The following UGGT2 variants were observed in gnomAD, a reference collection of about 807,000 sequenced individuals.
The protein encoded by UGGT2 is UDP-glucose glycoprotein glucosyltransferase 2.
In UGGT2, 180 loss-of-function variants were observed where a neutral mutation model predicts 192.1. The observed-to-expected ratio is 0.94, with a 90% CI of 0.83 to 1.06. The LOEUF (loss-of-function observed/expected upper bound fraction) is 1.06. Among genes scored for constraint, UGGT2 ranks in the 50% least tolerant of loss-of-function variants. The pLI, the probability that UGGT2 is intolerant of heterozygous loss-of-function variation, is 0.00. For missense variants in UGGT2, 1,849 were observed against 1,795.7 expected (o/e 1.03, Z -0.54); for synonymous variants, 580 against 591.0 (o/e 0.98, Z 0.27).
At position 95,972,734 on chromosome 13, in the gene UGGT2, C is replaced by A; in HGVS notation, c.1093-63G>T. The A allele has an allele frequency of 2.5e-6, 3 of 1,223,504 alleles. No individual in the cohort carries two copies. In the South Asian group the frequency reaches 3.9e-5, roughly 16 times the overall value. 75.8% of individuals were successfully genotyped at this position (1,223,504 alleles called of 1,614,324 possible). ...AACAATAGTGACCTATATTAGGGGT[C>A]ACCATATTATTTCTATAAAGAGTCA... is the stretch of plus-strand genomic sequence containing the variant. On this transcript the variant is annotated intron_variant, in intron 10 of 38. Transcript: ENST00000376747.
At chr13:95,877,635 C>T (rs761560107) in intron 28 of UGGT2, 63 bp downstream of exon 28, 5 of 1,534,326 alleles carry the variant, frequency 3.3e-6, no homozygotes, top group Non-Finnish European at 4.4e-6. Flanking sequence ...TCATTTTACT[C>T]TTAGGAAAAC....
intron 23 of UGGT2, 45 bp from the exon 24 acceptor site, chr13:95,894,702 T>C: frequency 6.8e-7 from 1 of 1,480,022 alleles, no homozygotes. Context: ...TGGAAAGAGT[T>C]CCATATTTCA....
chr13:96,003,087 G>T (rs1009962064), intron 5 of UGGT2, among the ~76,000 whole-genome samples: 1 of 152,114 alleles, frequency 6.6e-6, no homozygotes, highest in African/African-American at 2.4e-5. Context: ...AGCTTTGGGG[G>T]ATGAGCTTGC....
intron 5 of UGGT2, 106 bp from the exon 6 acceptor site, chr13:95,999,413 T>C (rs2051727362): frequency 7.0e-6 from 7 of 999,504 alleles, no homozygotes; most frequent in Non-Finnish European, 1.1e-5. Context: ...ATTACTAATA[T>C]TGAAGGTTTT....
chr13:95,928,751 T>C (rs1201776743), intron 17 of UGGT2, among the ~76,000 whole-genome samples: 1 of 151,242 alleles, frequency 6.6e-6, no homozygotes, highest in Admixed American at 6.6e-5. Context: ...TCCCAGATGA[T>C]GTGCGGCCAG....
intron 34 of UGGT2, among the ~76,000 whole-genome samples, chr13:95,855,357 T>A (rs1292335068): frequency 6.6e-6 from 1 of 152,020 alleles, no homozygotes; most frequent in African/African-American, 2.4e-5. Flanking sequence ...TATTTTCATT[T>A]ACATATTACT....
intron 20 of UGGT2, 96 bp from the exon 21 acceptor site, chr13:95,903,156 A>G (rs1210884470): frequency 8.4e-7 from 1 of 1,195,326 alleles, no homozygotes. Context: ...TCACTGTATC[A>G]TGCACCATCT....
intron 33 of UGGT2, among the ~76,000 whole-genome samples, chr13:95,859,047 G>T (rs528596237): frequency 3.9e-5 from 6 of 152,140 alleles, no homozygotes; most frequent in Non-Finnish European, 7.4e-5. Context: ...GGAAGAAACA[G>T]AGTATACTTT....
chr13:95,909,768 A>C (rs1244422698), intron 20 of UGGT2, among the ~76,000 whole-genome samples: 5 of 139,796 alleles, frequency 3.6e-5, no homozygotes, highest in Admixed American at 2.9e-4. Context: ...TAATAATAAT[A>C]ATAATAATAA....
chr13:95,869,132 C>T (rs866704181), intron 29 of UGGT2, among the ~76,000 whole-genome samples: 3 of 149,760 alleles, frequency 2.0e-5, no homozygotes, highest in East Asian at 4.0e-4. Context: ...GAGAACATGG[C>T]GGTGTTTGGT....
intron 5 of UGGT2, among the ~76,000 whole-genome samples, chr13:96,011,724 A>G (rs1426271805): frequency 6.6e-6 from 1 of 152,274 alleles, no homozygotes; most frequent in African/African-American, 2.4e-5. Context: ...CTGTATGTGA[A>G]TATGATGGTA....
At chr13:95,834,091 ATTAACT>A (rs1887014290) in intron 37 of UGGT2, among the ~76,000 whole-genome samples, 1 of 152,182 alleles carries the variant, frequency 6.6e-6, no homozygotes, top group Non-Finnish European at 1.5e-5. Flanking sequence ...CCTTGCAGAA[ATTAACT>A]TTATAGGCAA....
At chr13:95,895,356 T>G in intron 22 of UGGT2, 52 bp from the exon 23 acceptor site, 1 of 1,118,902 alleles carries the variant, frequency 8.9e-7, no homozygotes, top group Non-Finnish European at 1.2e-6. Context: ...GATATCAGTT[T>G]AGGAAAAACA....
At chr13:95,845,098 G>A (rs1482148290) in intron 36 of UGGT2, among the ~76,000 whole-genome samples, 1 of 151,972 alleles carries the variant, frequency 6.6e-6, no homozygotes, top group African/African-American at 2.4e-5. Flanking sequence ...GAGTTACATT[G>A]ATTTTCTAAT....
intron 38 of UGGT2, among the ~76,000 whole-genome samples, chr13:95,820,769 C>T (rs557470511): frequency 4.6e-5 from 7 of 151,898 alleles, no homozygotes; most frequent in Admixed American, 6.6e-5. Flanking sequence ...CCTCCTTCTG[C>T]CTCAAGTCCC....
chr13:96,032,739 T>C (rs1343653290), intron 1 of UGGT2, among the ~76,000 whole-genome samples: 2 of 152,202 alleles, frequency 1.3e-5, no homozygotes, highest in African/African-American at 4.8e-5. Flanking sequence ...CTAGGCTTGG[T>C]AAACTTAAAC....
intron 4 of UGGT2, among the ~76,000 whole-genome samples, chr13:96,015,676 G>C (rs1180523525): frequency 6.6e-6 from 1 of 152,112 alleles, no homozygotes; most frequent in Non-Finnish European, 1.5e-5. Flanking sequence ...TTTAGAAGTA[G>C]AGTATAAAAC....
intron 29 of UGGT2, among the ~76,000 whole-genome samples, chr13:95,875,706 A>C (rs1041378071): frequency 1.5e-4 from 23 of 152,118 alleles, no homozygotes; most frequent in Admixed American, 4.6e-4. Flanking sequence ...GTCAATGCTG[A>C]CTTCCTCCTA....
At chr13:95,894,804 G>A (rs901697003) in intron 23 of UGGT2, 147 bp from the exon 24 acceptor site, 4 of 617,940 alleles carry the variant, frequency 6.5e-6, no homozygotes, top group Non-Finnish European at 1.1e-5. Context: ...ACGTATAATA[G>A]CATTTCTCTA....
Sources: gnomAD v4.1 joint callset for allele counts (sites outside exome capture counted in the v4.1 genomes callset) on GRCh38, gnomAD v4.1.1 for gene constraint, MANE v1.5 for transcripts, NCBI Gene and HGNC (gene_info 2026-07-23, HGNC 2026-07-21) for gene names.